The following TRIP11 variants were observed in gnomAD, a reference collection of about 807,000 sequenced individuals.
TRIP11 encodes the protein thyroid hormone receptor interactor 11, also known as thyroid receptor-interacting protein 11.
TRIP11 carries 148 observed loss-of-function variants against 223.1 expected under a neutral mutation model. The ratio of observed to expected loss-of-function variants is 0.66; its 90% CI spans 0.58 to 0.76. TRIP11 has a LOEUF of 0.76. Ranked by LOEUF, TRIP11 falls within the 30% of genes least tolerant of loss-of-function variation. TRIP11 has a pLI of 0.00. For missense variants in TRIP11, 2,043 were observed against 2,222.0 expected, an observed-to-expected ratio of 0.92 and a Z score of 1.62; for synonymous variants, 762 against 772.6, an observed-to-expected ratio of 0.99 and a Z score of 0.23.
At chr14:92,018,544 A>AATATTACTATGT (rs1185573787) in intron 4 of TRIP11, among the ~76,000 whole-genome samples, 5 of 152,210 alleles carry the variant, frequency 3.3e-5, no homozygotes, top group Non-Finnish European at 7.3e-5. Flanking sequence ...AATGAACCAA[A>AATATTACTATGT]AGCTACTCTA....
At position 92,003,421 on chromosome 14, in the gene TRIP11, GTTCT is replaced by G. The variant is rs1476093958; in HGVS notation, c.4551_4554del (p.Lys1517AsnfsTer8). ...ACAATACTCCATCCAGAACACACCTGTTCTTTCTCTTTCAATAGCTGTTCAAAAG... is the reference window on the plus strand; with the variant it reads ...ACAATACTCCATCCAGAACACACCTGTTCTCTTTCAATAGCTGTTCAAAAG... On this transcript the variant is annotated frameshift_variant, in exon 11 of 21. Transcript: ENST00000267622. LOFTEE classifies it high-confidence loss of function. 3.1e-6 allele frequency: 5 copies of G among 1,612,794 alleles called. No homozygotes were observed. In the Admixed American group the frequency reaches 6.7e-5, roughly 22 times the overall value.
rs750849185 is a variant in TRIP11, at chr14:92,004,659, T to C, written c.3317A>G (p.Asn1106Ser). 4 of 1,614,040 alleles carry C rather than the reference T, an allele frequency of 2.5e-6. No individual in the cohort carries two copies. Among genetic ancestry groups the C allele is most frequent in the African/African-American group, 1.3e-5 (1 of 74,938 alleles). ...MEREKVFAVLNEKTRENSHLK... is the reference protein window; with the variant it reads ...MEREKVFAVLSEKTRENSHLK... ...ATGGCTATTTTCCCTAGTCTTCTCA[T>C]TCAAAACAGCAAATACCTTTTCTCT... The change falls in exon 11 of 21, where the codon AAT (asparagine) becomes AGT (serine). Residue 1106 changes from asparagine (N) to serine (S), a missense_variant. Coordinates refer to ENST00000267622, the MANE Select transcript of TRIP11 (RefSeq NM_004239.4).
At chr14:91,995,171 T>G (rs1308864553) in intron 14 of TRIP11, among the ~76,000 whole-genome samples, 181 bp downstream of exon 14, 1 of 152,208 alleles carries the variant, frequency 6.6e-6, no homozygotes, top group Non-Finnish European at 1.5e-5. Context: ...AAAGTTTATT[T>G]TCTCGTCTTA....
At position 92,005,296 on chromosome 14, in the gene TRIP11, G is replaced by A. The variant is rs941881942; in HGVS notation, c.2680C>T (p.Leu894=). 7 of 1,613,918 alleles carry A rather than the reference G, an allele frequency of 4.3e-6. No homozygotes were observed. The highest frequency in any genetic ancestry group is 4.2e-6 in the Non-Finnish European group (5 of 1,179,988). Residue 894 remains leucine (L), a synonymous_variant, in exon 11 of 21, where the codon CTA becomes TTA. Coordinates refer to ENST00000267622, the MANE Select transcript of TRIP11 (RefSeq NM_004239.4). ...DPKTLDSVTE[L]ASEVSQLNTI... ...TTCAGTTGAGATACCTCAGATGCTA[G>A]TTCAGTAACACTATCAAGGGTTTTA...
In TRIP11 at chr14:91,995,513, T is replaced by C; in HGVS notation, c.4895A>G (p.His1632Arg). 2 of 1,614,088 alleles carry C rather than the reference T, an allele frequency of 1.2e-6. No homozygotes were observed. The highest frequency in any genetic ancestry group is 8.5e-7 in the Non-Finnish European group (1 of 1,179,982). The change falls in exon 14 of 21, where the codon CAT becomes CGT. Residue 1632 changes from histidine to arginine, a missense_variant and splice_region_variant. Physicochemically the swap from His to Arg is conservative, Grantham distance 29. Transcript: ENST00000267622. ...TGACTCTACCTGCACACTGGCTTGATGGCTTCAAACAAAAAGAATAAAAGT... is the reference window on the plus strand; with the variant it reads ...TGACTCTACCTGCACACTGGCTTGACGGCTTCAAACAAAAAGAATAAAAGT... The part of the protein sequence containing the change: ...SSSNAMENAS[H>R]QASVQVESLQ...
chr14:92,038,129 C>A (rs1159016290), intron 1 of TRIP11, among the ~76,000 whole-genome samples: 1 of 152,090 alleles, frequency 6.6e-6, no homozygotes, highest in East Asian at 1.9e-4. Context: ...TGAAAAAAGA[C>A]ATAAAACAAG....
chr14:92,025,515 C>CCCG lies in TRIP11; in HGVS notation c.202-96_202-95insCGG, dbSNP rs1555388724. Reference sequence around the variant, plus strand: ...TATGAAAAACGTACTGCTTTCCCCCCCCAAAAATGTCAAATATAAAAGGTC... The same window carrying CCCG: ...TATGAAAAACGTACTGCTTTCCCCCCCCGCCAAAAATGTCAAATATAAAAGGTC... On this transcript the variant is annotated intron_variant, in intron 2 of 20. Coordinates refer to ENST00000267622, the MANE Select transcript of TRIP11 (RefSeq NM_004239.4). The CCCG allele has an allele frequency of 2.1e-5, 17 of 812,790 alleles. No homozygotes were observed. In the African/African-American group the frequency reaches 2.6e-4, roughly 13 times the overall value. The allele number at this position is 812,790 out of a possible 1,614,324, so 50.3% of individuals were successfully genotyped here.
chr14:92,007,927 G>T, intron 9 of TRIP11, 75 bp from the exon 10 acceptor site: 2 of 1,165,136 alleles, frequency 1.7e-6, no homozygotes, highest in Non-Finnish European at 1.2e-6. Context: ...ATACATAGAA[G>T]CAAAACTTGG....
At chr14:91,972,883 A>AT (rs777263241) in intron 19 of TRIP11, 22 bp from the exon 20 acceptor site, 293 of 1,585,770 alleles carry the variant, frequency 1.8e-4, no homozygotes, top group Non-Finnish European at 2.4e-4. Flanking sequence ...TATTTTGGTT[A>AT]TATTAGGCTA....
At chr14:91,990,714 C>T (rs758009421) in intron 15 of TRIP11, among the ~76,000 whole-genome samples, 4 of 152,162 alleles carry the variant, frequency 2.6e-5, no homozygotes, top group Admixed American at 6.5e-5. Context: ...TAGAGGCTCA[C>T]GCCTGTAATT....
rs1161214529 is a variant in TRIP11, at chr14:92,006,293, T to C, written c.1683A>G (p.Lys561=). 6.2e-6 allele frequency: 10 copies of C among 1,610,374 alleles called. No individual in the cohort carries two copies. The highest frequency in any genetic ancestry group is 8.5e-6 in the Non-Finnish European group (10 of 1,178,604). ...MDITKELDVQ[K]EKLIQSEVAL... ...CCACTTCACTTTGAATTAGCTTTTCTTTCTGTACATCTAACTCTTTAGTAA... is the reference window on the plus strand; with the variant it reads ...CCACTTCACTTTGAATTAGCTTTTCCTTCTGTACATCTAACTCTTTAGTAA... Residue 561 remains lysine (K), a synonymous_variant, in exon 11 of 21, where the codon AAA becomes AAG. Coordinates refer to ENST00000267622, the MANE Select transcript of TRIP11 (RefSeq NM_004239.4).
At position 91,966,995 on chromosome 14, in the gene TRIP11, G is replaced by A; in HGVS notation, c.*2678C>T. 4.9e-6 allele frequency: 1 copy of A among 202,510 alleles called. No individual in the cohort carries two copies. Among genetic ancestry groups the A allele is most frequent in the East Asian group, 7.6e-5 (1 of 13,216 alleles). 12.5% of individuals were successfully genotyped at this position (202,510 alleles called of 1,614,324 possible). Reference sequence around the variant, plus strand: ...CATCACTGGTTACTAAGACGGTTCAGTGAGCAGGTGGTTCATCTCTGACAC... The same window carrying A: ...CATCACTGGTTACTAAGACGGTTCAATGAGCAGGTGGTTCATCTCTGACAC... On this transcript the variant is annotated 3_prime_UTR_variant, in exon 21 of 21. Transcript: ENST00000267622.
At chr14:91,977,158 T>C (rs2056475581) in intron 16 of TRIP11, 6 of 444,090 alleles carry the variant, frequency 1.4e-5, no homozygotes, top group South Asian at 6.5e-5. Context: ...ATTTTCCTAG[T>C]AGTAGCTGGA....
At chr14:92,025,165 A>G (rs1374746948) in intron 3 of TRIP11, 145 bp downstream of exon 3, 1 of 676,936 alleles carries the variant, frequency 1.5e-6, no homozygotes, top group Non-Finnish European at 2.5e-6. Context: ...AATAAGGGAT[A>G]TCAAACTGAG....
intron 9 of TRIP11, among the ~76,000 whole-genome samples, chr14:92,008,326 C>A (rs981459804): frequency 1.2e-4 from 18 of 152,192 alleles, no homozygotes; most frequent in African/African-American, 4.1e-4. Flanking sequence ...CACTCCTTCA[C>A]CCAAATGTTT....
At chr14:92,007,537 T>C in intron 10 of TRIP11, 103 bp downstream of exon 10, 1 of 1,306,280 alleles carries the variant, frequency 7.7e-7, no homozygotes, top group Non-Finnish European at 1.1e-6. Flanking sequence ...AAAAGGTTTG[T>C]CAATCTCTAT....
At chr14:92,001,959 T>G (rs149054255) in intron 11 of TRIP11, among the ~76,000 whole-genome samples, 72 of 152,336 alleles carry the variant, frequency 4.7e-4, no homozygotes, top group Middle Eastern at 3.4e-3. Context: ...TTCACAACTT[T>G]AATCCAAGAC....
In TRIP11 at chr14:91,975,227, T is replaced by C; in HGVS notation, c.5402A>G (p.Glu1801Gly). The C allele has an allele frequency of 5.6e-6, 9 of 1,613,844 alleles. No homozygotes were observed. The highest frequency in any genetic ancestry group is 6.8e-6 in the Non-Finnish European group (8 of 1,179,844). ...GATGCTCCCCATTAACCGTAACACT[T>C]CATGACGCTGATTTTTCGGTGTGTG... ...HFHTPKNQRH[E>G]VLRLMGSILG... Residue 1801 changes from glutamate (E) to glycine (G), a missense_variant, in exon 18 of 21, where the codon GAA becomes GGA. Physicochemically the swap from Glu to Gly is moderately conservative, Grantham distance 98. Coordinates refer to ENST00000267622, the MANE Select transcript of TRIP11 (RefSeq NM_004239.4).
At chr14:92,015,131 T>G (rs2057020283) in intron 6 of TRIP11, among the ~76,000 whole-genome samples, 1 of 151,992 alleles carries the variant, frequency 6.6e-6, no homozygotes, top group African/African-American at 2.4e-5. Flanking sequence ...CTCAAACTCC[T>G]GGCCTCAAGT....
Sources: allele counts gnomAD v4.1 joint callset (sites outside exome capture counted in the v4.1 genomes callset), GRCh38; gene constraint gnomAD v4.1.1; transcripts MANE v1.5; gene names NCBI Gene and HGNC (gene_info 2026-07-23, HGNC 2026-07-21).